The following RELN variants were observed in gnomAD, a reference collection of about 807,000 sequenced individuals.
RELN encodes reelin.
In RELN, 108 loss-of-function variants were observed where a neutral mutation model predicts 427.6. The observed-to-expected ratio is 0.25, with a 90% CI of 0.22 to 0.30. The LOEUF is 0.30. Ranked by LOEUF, RELN falls within the 10% of genes least tolerant of loss-of-function variation. RELN has a pLI of 1.00. For missense variants in RELN, 3,715 were observed against 4,302.8 expected, an observed-to-expected ratio of 0.86 and a Z score of 3.82; for synonymous variants, 1,524 against 1,513.4, an observed-to-expected ratio of 1.01 and a Z score of -0.16.
chr7:103,545,381 C>A, intron 41 of RELN, 37 bp from the exon 42 acceptor site: 1 of 1,408,416 alleles, frequency 7.1e-7, no homozygotes, highest in Non-Finnish European at 1.0e-6. Context: ...AGCTAATCAA[C>A]AGAACAATAT....
chr7:103,553,329 C>T lies in RELN; in HGVS notation c.6072+132G>A, dbSNP rs902406401. On this transcript the variant is annotated intron_variant, in intron 40 of 64. Transcript: ENST00000428762. ...CTGTTAATAAGAGAAAATTATGATG[C>T]CAAAATCTCTTACATCCTTGCACAA... is the stretch of plus-strand genomic sequence containing the variant. 7.2e-6 allele frequency: 5 copies of T among 695,564 alleles called. No individual in the cohort carries two copies. The African/African-American group carries it at 8.9e-5, about 12-fold the overall frequency. 43.1% of individuals were successfully genotyped at this position (695,564 alleles called of 1,614,324 possible).
chr7:103,668,408 C>T (rs1194727377), intron 11 of RELN, among the ~76,000 whole-genome samples: 1 of 152,064 alleles, frequency 6.6e-6, no homozygotes, highest in African/African-American at 2.4e-5. Flanking sequence ...CTTTGTTATT[C>T]ACACAATTAA....
At chr7:103,722,157 C>T (rs1790093110) in intron 8 of RELN, among the ~76,000 whole-genome samples, 1 of 152,078 alleles carries the variant, frequency 6.6e-6, no homozygotes. Flanking sequence ...CACATAGTAC[C>T]TCCTACACAG....
Position 103,868,208 on chromosome 7 carries a change from T to C in RELN, c.338-34536A>G, listed in dbSNP as rs369686552. On this transcript the variant is annotated intron_variant, in intron 2 of 64. Transcript: ENST00000428762. ...TCTTCTTAATCACTAAAATAGGATA[T>C]TGGGAACCAATTTGGAAATTCAGCC... Among the ~76,000 whole-genome samples, 8 of 152,200 alleles carry C rather than the reference T, an allele frequency of 5.3e-5. No homozygotes were observed. In the East Asian group the frequency reaches 1.2e-3, roughly 22 times the overall value.
rs550640470 is a variant in RELN at position 103,553,132 on chromosome 7, G to A, written c.6072+329C>T. On this transcript the variant is annotated intron_variant, in intron 40 of 64. Coordinates refer to ENST00000428762, the MANE Select transcript of RELN (RefSeq NM_005045.4). ...ATAGTTACATTGACCTAGTCCCTAA[G>A]AAATTTTAAGTTTCACATAAAAAGT... is the stretch of plus-strand genomic sequence containing the variant. Among the ~76,000 whole-genome samples, 23 of 152,106 alleles carry A rather than the reference G, an allele frequency of 1.5e-4. No individual in the cohort carries two copies. In the South Asian group the frequency reaches 1.9e-3, roughly 12 times the overall value.
chr7:103,590,204 C>G (rs1198716499), intron 27 of RELN, among the ~76,000 whole-genome samples: 11 of 152,150 alleles, frequency 7.2e-5, no homozygotes, highest in Non-Finnish European at 1.5e-4. Context: ...CTGTCTTCTT[C>G]AGTACAGGAA....
chr7:103,676,165 C>T (rs996064035), intron 11 of RELN, among the ~76,000 whole-genome samples: 1 of 152,040 alleles, frequency 6.6e-6, no homozygotes, highest in Admixed American at 6.6e-5. Flanking sequence ...TATCCAGAAT[C>T]TACAATGAAC....
intron 3 of RELN, among the ~76,000 whole-genome samples, chr7:103,806,488 C>A (rs1792603428): frequency 6.6e-6 from 1 of 152,210 alleles, no homozygotes; most frequent in South Asian, 2.1e-4. Flanking sequence ...CCACACCTGG[C>A]TAATTTTTGT....
chr7:103,493,627 A>C (rs540318809), intron 57 of RELN, among the ~76,000 whole-genome samples: 3 of 152,286 alleles, frequency 2.0e-5, no homozygotes, highest in East Asian at 1.9e-4. Context: ...AAGAAAGTTG[A>C]TACATACTGA....
rs376605653 is a variant in RELN, at chr7:103,590,572, AT to A, written c.3913-745del. Among the ~76,000 whole-genome samples, 227 of 26,278 alleles carry A rather than the reference AT, an allele frequency of 8.6e-3. 2 individuals are homozygous for A. Among genetic ancestry groups the A allele is most frequent in the African/African-American group, 0.03 (207 of 6,798 alleles). 17.2% of individuals were successfully genotyped at this position (26,278 alleles called of 152,430 possible). A position where few individuals can be genotyped will look rare whatever the true frequency, so the allele number is the denominator to read the frequency against. ...CAGACTCCATCTCAACAATAAATAA[AT>A]AAATAAATAAATAAATAAATAAATA... is the stretch of plus-strand genomic sequence containing the variant. On this transcript the variant is annotated intron_variant, in intron 27 of 64. Coordinates refer to ENST00000428762, the MANE Select transcript of RELN (RefSeq NM_005045.4).
At position 103,917,003 on chromosome 7, in the gene RELN, A is replaced by C. The variant is rs76167481; in HGVS notation, c.337+72T>G. 2,374 of 1,114,574 alleles carry C rather than the reference A, an allele frequency of 2.1e-3. 29 individuals are homozygous for C. In the African/African-American group the frequency reaches 0.031, roughly 15 times the overall value. The allele number at this position is 1,114,574 out of a possible 1,614,324, so 69.0% of individuals were successfully genotyped here. On this transcript the variant is annotated intron_variant, in intron 2 of 64. Transcript: ENST00000428762. ...AATAAAGGTCTAACACTGTTAAAACAGATACTTTAAAACATAAGACCTATG... is the reference window on the plus strand; with the variant it reads ...AATAAAGGTCTAACACTGTTAAAACCGATACTTTAAAACATAAGACCTATG...
intron 4 of RELN, among the ~76,000 whole-genome samples, chr7:103,757,786 G>C (rs1191025859): frequency 1.3e-5 from 2 of 152,214 alleles, no homozygotes; most frequent in African/African-American, 4.8e-5. Context: ...GAATTGAAGA[G>C]AGAGGAAGAT....
At chr7:103,630,851 G>GTTTGTTTGTTTTTTTTTT (rs1562930901) in intron 19 of RELN, among the ~76,000 whole-genome samples, 1 of 20,542 alleles carries the variant, frequency 4.9e-5, no homozygotes, top group African/African-American at 2.0e-4. Context: ...TTATTTTTTT[G>GTTTGTTTGTTTTTTTTTT]TTTTTTTTGT....
At chr7:103,580,779 G>A (rs73714461) in intron 28 of RELN, among the ~76,000 whole-genome samples, 1,852 of 152,048 alleles carry the variant, frequency 0.012, 52 homozygotes, top group African/African-American at 0.043. Context: ...TCATTCTTAC[G>A]CCTTTCATCC....
intron 19 of RELN, among the ~76,000 whole-genome samples, chr7:103,633,446 G>A (rs571721182): frequency 8.6e-5 from 13 of 151,352 alleles, no homozygotes; most frequent in Non-Finnish European, 1.8e-4. Context: ...GAGAGGGGGC[G>A]GGAGGAAGAA....
intron 34 of RELN, 130 bp downstream of exon 34, chr7:103,565,148 T>C (rs1830720183): frequency 8.0e-7 from 1 of 1,248,384 alleles, no homozygotes; most frequent in South Asian, 1.3e-5. Context: ...TGCACTTTTT[T>C]TTCTTCCTGG....
chr7:103,652,044 T>C (rs1005511660), intron 14 of RELN, among the ~76,000 whole-genome samples: 3 of 152,034 alleles, frequency 2.0e-5, no homozygotes, highest in Non-Finnish European at 2.9e-5. Context: ...TTTGTGTTCT[T>C]GAGTTTGATA....
At chr7:103,935,972 C>T (rs1398897327) in intron 1 of RELN, among the ~76,000 whole-genome samples, 1 of 152,170 alleles carries the variant, frequency 6.6e-6, no homozygotes, top group Non-Finnish European at 1.5e-5. Flanking sequence ...TCTTCCCACC[C>T]TCAACCACAC....
intron 7 of RELN, among the ~76,000 whole-genome samples, chr7:103,726,513 T>A (rs553684771): frequency 3.9e-5 from 6 of 152,234 alleles, no homozygotes; most frequent in African/African-American, 1.4e-4. Context: ...ACTGAATATA[T>A]CAACTCTAAT....
Sources: allele counts gnomAD v4.1 joint callset (sites outside exome capture counted in the v4.1 genomes callset), GRCh38; gene constraint gnomAD v4.1.1; transcripts MANE v1.5; gene names NCBI Gene and HGNC (gene_info 2026-07-23, HGNC 2026-07-21).